Variants in MYO9A observed in about 807,000 individuals in gnomAD.
MYO9A encodes the protein myosin IXA, also known as unconventional myosin-IXa.
In MYO9A, 103 loss-of-function variants were observed where a neutral mutation model predicts 293.3. The ratio of observed to expected loss-of-function variants is 0.35; its 90% CI spans 0.30 to 0.41. The LOEUF (loss-of-function observed/expected upper bound fraction) is 0.41, where lower values mean the gene tolerates loss of function less well. Ranked by LOEUF, MYO9A falls within the 10% of genes least tolerant of loss-of-function variation. The pLI is 1.00. For synonymous variants in MYO9A, 1,001 were observed against 1,035.7 expected (o/e 0.97, Z 0.64); for missense variants, 2,685 against 3,033.0 (o/e 0.89, Z 2.69).
chr15:71,853,434 C>T (rs548703643), intron 35 of MYO9A, among the ~76,000 whole-genome samples: 2 of 152,302 alleles, frequency 1.3e-5, no homozygotes, highest in East Asian at 3.9e-4. Context: ...TTGATTTTCA[C>T]TTGTGCTATT....
At chr15:71,891,017 C>T (rs931600858) in intron 26 of MYO9A, 3 of 152,102 alleles carry the variant, frequency 2.0e-5, no homozygotes, top group Admixed American at 2.0e-4. Context: ...GTGGAATATT[C>T]TCAAGATAAA....
At chr15:71,993,052 C>T (rs573732086) in intron 10 of MYO9A, among the ~76,000 whole-genome samples, 4 of 151,902 alleles carry the variant, frequency 2.6e-5, no homozygotes, top group Admixed American at 1.3e-4. Context: ...ACAATAAATG[C>T]CTTCTAAAAA....
At chr15:72,014,419 C>G (rs1379969226) in intron 6 of MYO9A, among the ~76,000 whole-genome samples, 1 of 152,222 alleles carries the variant, frequency 6.6e-6, no homozygotes, top group Non-Finnish European at 1.5e-5. Context: ...GGCACGGTGG[C>G]TCATGCCTAT....
chr15:71,836,999 TG>T (rs1331233795), intron 39 of MYO9A, among the ~76,000 whole-genome samples: 1 of 152,086 alleles, frequency 6.6e-6, no homozygotes, highest in Non-Finnish European at 1.5e-5. Context: ...GTATGTGTTT[TG>T]TTGTTATGTA....
intron 20 of MYO9A, among the ~76,000 whole-genome samples, chr15:71,904,586 G>GA (rs1171476490): frequency 6.6e-6 from 1 of 152,186 alleles, no homozygotes; most frequent in Admixed American, 6.5e-5. Flanking sequence ...CCAGGAGGCG[G>GA]AGATTACAGT....
chr15:72,091,468 T>C (rs1434515980), intron 1 of MYO9A, among the ~76,000 whole-genome samples: 6 of 152,172 alleles, frequency 3.9e-5, no homozygotes, highest in Non-Finnish European at 8.8e-5. Flanking sequence ...TACAGTCATA[T>C]ATGGGAAAGA....
Position 72,089,877 on chromosome 15 carries a change from CT to C in MYO9A, c.-72+27802del, listed in dbSNP as rs559244244. ...TTAAAAGTTTCTCTGGGTTTTGGTC[CT>C]TTTTAAGAGGTGTCATATTCATTCT... On this transcript the variant is annotated intron_variant, in intron 1 of 41. Coordinates refer to ENST00000356056, the MANE Select transcript of MYO9A (RefSeq NM_006901.4). 2.2e-4 allele frequency among the ~76,000 whole-genome samples: 34 copies of C among 152,264 alleles called. No homozygotes were observed. In the East Asian group the frequency reaches 5.6e-3, roughly 25 times the overall value.
intron 25 of MYO9A, among the ~76,000 whole-genome samples, chr15:71,895,157 T>C (rs772841886): frequency 1.3e-5 from 2 of 152,320 alleles, no homozygotes; most frequent in Non-Finnish European, 2.9e-5. Flanking sequence ...ATGTACAATG[T>C]GTATAAGCCT....
chr15:71,824,858 C>T lies in MYO9A; in HGVS notation c.*1722G>A, dbSNP rs1223404604. 6.6e-6 allele frequency: 1 copy of T among 152,182 alleles called. No homozygotes were observed. Among genetic ancestry groups the T allele is most frequent in the Non-Finnish European group, 1.5e-5 (1 of 68,036 alleles). 9.4% of individuals were successfully genotyped at this position (152,182 alleles called of 1,614,324 possible). A position where few individuals can be genotyped will look rare whatever the true frequency, so the allele number is the denominator to read the frequency against. ...CTCAGAATTATGCTCCAAGTCTAAC[C>T]TCTGGGGCTGGCCAATAACCACTGA... On this transcript the variant is annotated 3_prime_UTR_variant, in exon 42 of 42. Coordinates refer to ENST00000356056, the MANE Select transcript of MYO9A (RefSeq NM_006901.4).
At chr15:71,882,188 C>A (rs1205070599) in intron 28 of MYO9A, among the ~76,000 whole-genome samples, 1 of 152,128 alleles carries the variant, frequency 6.6e-6, no homozygotes, top group African/African-American at 2.4e-5. Flanking sequence ...CTGCCTTAAG[C>A]TTTCTTCCGA....
chr15:71,844,064 A>G (rs985818827), intron 39 of MYO9A, among the ~76,000 whole-genome samples: 1 of 152,220 alleles, frequency 6.6e-6, no homozygotes, highest in Non-Finnish European at 1.5e-5. Context: ...TAAGCTATAT[A>G]GCTTTTTACA....
intron 1 of MYO9A, chr15:72,116,807 TTCTACACAGAACA>T (rs2080997385): frequency 6.6e-6 from 1 of 151,856 alleles, no homozygotes; most frequent in Admixed American, 6.6e-5. Context: ...ACCTCACACG[TTCTACACAGAACA>T]GACAAGACGA....
intron 1 of MYO9A, among the ~76,000 whole-genome samples, chr15:72,086,034 C>T (rs1411309846): frequency 6.6e-6 from 1 of 152,162 alleles, no homozygotes; most frequent in African/African-American, 2.4e-5. Context: ...CAAGGTGCCC[C>T]TGGACTACTT....
At chr15:71,954,264 G>A (rs1451767378) in intron 14 of MYO9A, among the ~76,000 whole-genome samples, 3 of 151,568 alleles carry the variant, frequency 2.0e-5, no homozygotes, top group East Asian at 1.9e-4. Context: ...GCAGTGGTGC[G>A]ATCTCCGCTC....
chr15:72,046,615 C>T lies in MYO9A; in HGVS notation c.-52G>A. 1.4e-6 allele frequency: 2 copies of T among 1,458,124 alleles called. No homozygotes were observed. 90.3% of individuals were successfully genotyped at this position (1,458,124 alleles called of 1,614,324 possible). ...TAGTATATGTTCAAAGTCGTGCAAA[C>T]CATTTTCTTGGTAAAATAACTGTAA... On this transcript the variant is annotated 5_prime_UTR_variant, in exon 2 of 42. Transcript: ENST00000356056.
intron 2 of MYO9A, among the ~76,000 whole-genome samples, chr15:72,034,239 G>C (rs143854076): frequency 1.5e-3 from 233 of 152,262 alleles, no homozygotes; most frequent in Non-Finnish European, 1.6e-3. Flanking sequence ...CAAAACTATT[G>C]AATGAGAAAC....
chr15:71,882,362 A>T (rs1164712288), intron 28 of MYO9A, among the ~76,000 whole-genome samples: 1 of 152,218 alleles, frequency 6.6e-6, no homozygotes, highest in African/African-American at 2.4e-5. Flanking sequence ...TTCTAACATT[A>T]GGATAACTTG....
In MYO9A at chr15:72,014,673, G is replaced by A. The variant is rs144176526; in HGVS notation, c.1156-4226C>T. On this transcript the variant is annotated intron_variant, in intron 6 of 41. Coordinates refer to ENST00000356056, the MANE Select transcript of MYO9A (RefSeq NM_006901.4). Reference sequence around the variant, plus strand: ...TGTGCTCCAGCCTAGGTGACAGAGCGAGATACCATGAAAGAAAGAAAAGAA... The same window carrying A: ...TGTGCTCCAGCCTAGGTGACAGAGCAAGATACCATGAAAGAAAGAAAAGAA... 7.2e-3 allele frequency among the ~76,000 whole-genome samples: 1,081 copies of A among 149,990 alleles called. 6 individuals are homozygous for A. The highest frequency in any genetic ancestry group is 0.024 in the Middle Eastern group (7 of 292).
intron 18 of MYO9A, among the ~76,000 whole-genome samples, chr15:71,921,628 C>T (rs1258323119): frequency 6.6e-6 from 1 of 152,104 alleles, no homozygotes. Context: ...CTAGCATAGC[C>T]TGTGTAAACA....
Sources: allele counts gnomAD v4.1 joint callset (sites outside exome capture counted in the v4.1 genomes callset), GRCh38; gene constraint gnomAD v4.1.1; transcripts MANE v1.5; gene names NCBI Gene and HGNC (gene_info 2026-07-23, HGNC 2026-07-21).